Variants in PRKCE observed in about 807,000 individuals in gnomAD.
The protein encoded by PRKCE is protein kinase C epsilon type.
PRKCE carries 16 observed loss-of-function variants against 85.4 expected under a neutral mutation model. That is an observed-to-expected ratio of 0.19 (90% confidence interval 0.13 to 0.28). The LOEUF is 0.28. PRKCE is among the 10% of genes least tolerant of loss of function. PRKCE has a pLI of 1.00. For missense variants in PRKCE, 573 were observed against 975.2 expected, an observed-to-expected ratio of 0.59 and a Z score of 5.49; for synonymous variants, 388 against 371.5, an observed-to-expected ratio of 1.04 and a Z score of -0.51.
intron 1 of PRKCE, among the ~76,000 whole-genome samples, chr2:45,826,056 G>T (rs569474070): frequency 1.3e-5 from 2 of 152,244 alleles, no homozygotes; most frequent in African/African-American, 2.4e-5. Flanking sequence ...GGTGGTGATG[G>T]TATGGAAGGA....
chr2:45,977,311 T>C (rs1702532464), intron 3 of PRKCE, among the ~76,000 whole-genome samples: 1 of 152,156 alleles, frequency 6.6e-6, no homozygotes, highest in Admixed American at 6.5e-5. Flanking sequence ...CAAGTGAAAT[T>C]ATCTGATGCC....
At chr2:45,880,208 T>C (rs1426435397) in intron 2 of PRKCE, among the ~76,000 whole-genome samples, 1 of 152,252 alleles carries the variant, frequency 6.6e-6, no homozygotes, top group African/African-American at 2.4e-5. Flanking sequence ...CATTCTTTTT[T>C]ATGGCTAAAG....
At chr2:45,835,860 G>T (rs1438834467) in intron 1 of PRKCE, among the ~76,000 whole-genome samples, 2 of 152,158 alleles carry the variant, frequency 1.3e-5, no homozygotes, top group Non-Finnish European at 2.9e-5. Context: ...TTCCCAAAGT[G>T]TTGGGATTAC....
intron 10 of PRKCE, among the ~76,000 whole-genome samples, chr2:46,046,219 C>T (rs1051084980): frequency 2.0e-5 from 3 of 152,236 alleles, no homozygotes; most frequent in African/African-American, 7.2e-5. Flanking sequence ...AGCTGCCATC[C>T]TTTGTTCAGA....
At chr2:46,026,434 T>G (rs1385964404) in intron 10 of PRKCE, among the ~76,000 whole-genome samples, 1 of 152,118 alleles carries the variant, frequency 6.6e-6, no homozygotes, top group African/African-American at 2.4e-5. Flanking sequence ...AAGAATGTAG[T>G]GGTGGAAATG....
intron 14 of PRKCE, among the ~76,000 whole-genome samples, chr2:46,173,825 A>G (rs1327682589): frequency 2.0e-5 from 3 of 152,124 alleles, no homozygotes; most frequent in African/African-American, 7.2e-5. Flanking sequence ...TTTGATCTCT[A>G]TTTGCTGAGT....
At chr2:45,996,241 C>G (rs1194159357) in intron 6 of PRKCE, among the ~76,000 whole-genome samples, 1 of 152,046 alleles carries the variant, frequency 6.6e-6, no homozygotes. Flanking sequence ...ATTATTGGTT[C>G]CAGGAGTTTT....
intron 2 of PRKCE, among the ~76,000 whole-genome samples, chr2:45,898,595 T>C (rs972108272): frequency 6.6e-6 from 1 of 152,190 alleles, no homozygotes; most frequent in Non-Finnish European, 1.5e-5. Flanking sequence ...GAGGATCTAA[T>C]AAACCAGTGC....
chr2:45,688,849 A>G (rs569602084), intron 1 of PRKCE, among the ~76,000 whole-genome samples: 10 of 152,242 alleles, frequency 6.6e-5, no homozygotes, highest in Admixed American at 1.3e-4. Context: ...CCTTGGATCA[A>G]TGTGCATTAG....
chr2:45,744,535 C>T (rs56275938), intron 1 of PRKCE, among the ~76,000 whole-genome samples: 301 of 28,888 alleles, frequency 0.01, 6 homozygotes, highest in Middle Eastern at 0.062. Flanking sequence ...TTTTTCTTTC[C>T]TTCTTTCTTT....
chr2:46,179,071 T>C (rs1360296255), intron 14 of PRKCE, among the ~76,000 whole-genome samples: 1 of 152,122 alleles, frequency 6.6e-6, no homozygotes, highest in Non-Finnish European at 1.5e-5. Flanking sequence ...ATGCTACTTG[T>C]GCTGTTGCTG....
At chr2:46,016,348 C>T (rs1490988889) in intron 10 of PRKCE, among the ~76,000 whole-genome samples, 1 of 151,474 alleles carries the variant, frequency 6.6e-6, no homozygotes, top group Non-Finnish European at 1.5e-5. Flanking sequence ...TGTAGATGAG[C>T]TGGCGGTTCT....
intron 2 of PRKCE, among the ~76,000 whole-genome samples, chr2:45,913,429 C>T (rs541297659): frequency 6.6e-6 from 1 of 152,346 alleles, no homozygotes; most frequent in African/African-American, 2.4e-5. Flanking sequence ...GGATTATAGG[C>T]GTGAGCCACC....
chr2:46,019,861 T>C (rs1460731002), intron 10 of PRKCE, among the ~76,000 whole-genome samples: 2 of 147,376 alleles, frequency 1.4e-5, no homozygotes, highest in African/African-American at 2.5e-5. Flanking sequence ...TTTTTTTTTT[T>C]TTTTTTTGAG....
chr2:46,144,028 G>A (rs758359704), intron 11 of PRKCE, among the ~76,000 whole-genome samples: 8 of 152,170 alleles, frequency 5.3e-5, no homozygotes, highest in Non-Finnish European at 1.0e-4. Flanking sequence ...TGGCTGTTGC[G>A]GGGAGCCCAA....
chr2:45,959,083 T>C (rs774621499), intron 2 of PRKCE, among the ~76,000 whole-genome samples: 24 of 151,696 alleles, frequency 1.6e-4, no homozygotes, highest in Non-Finnish European at 3.5e-4. Flanking sequence ...AGAAATCAAC[T>C]GGAGTTCTCA....
intron 1 of PRKCE, among the ~76,000 whole-genome samples, chr2:45,717,900 C>T (rs1473282259): frequency 6.6e-6 from 1 of 152,200 alleles, no homozygotes; most frequent in Admixed American, 6.5e-5. Flanking sequence ...ATTTGTGCCC[C>T]AGCCCCATAT....
At chr2:46,097,482 T>C (rs907121462) in intron 11 of PRKCE, among the ~76,000 whole-genome samples, 1 of 145,760 alleles carries the variant, frequency 6.9e-6, no homozygotes, top group Non-Finnish European at 1.5e-5. Context: ...ATCACACCAC[T>C]GCATTCCAGC....
chr2:45,918,047 G>C (rs905892610), intron 2 of PRKCE, among the ~76,000 whole-genome samples: 1 of 152,250 alleles, frequency 6.6e-6, no homozygotes, highest in South Asian at 2.1e-4. Context: ...GTTCCCGCTG[G>C]CGCCTCTCCC....
Sources: allele counts gnomAD v4.1 joint callset (sites outside exome capture counted in the v4.1 genomes callset), GRCh38; gene constraint gnomAD v4.1.1; transcripts MANE v1.5; gene names NCBI Gene and HGNC (gene_info 2026-07-23, HGNC 2026-07-21).